Variants in NELL2 observed in about 807,000 individuals in gnomAD.
NELL2 encodes the protein protein kinase C-binding protein NELL2.
In NELL2, 41 loss-of-function variants were observed where a neutral mutation model predicts 109.6. The ratio of observed to expected loss-of-function variants is 0.37; its 90% CI spans 0.29 to 0.49. The LOEUF (loss-of-function observed/expected upper bound fraction) is 0.49. Among genes scored for constraint, NELL2 ranks in the 20% least tolerant of loss-of-function variants. NELL2 has a pLI of 0.98. For synonymous variants in NELL2, 355 were observed against 344.7 expected (o/e 1.03, Z -0.33); for missense variants, 900 against 1,008.3 (o/e 0.89, Z 1.45).
At chr12:44,549,104 T>C (rs1044498560) in intron 15 of NELL2, among the ~76,000 whole-genome samples, 2 of 152,322 alleles carry the variant, frequency 1.3e-5, no homozygotes, top group Non-Finnish European at 2.9e-5. Context: ...TACCCACATA[T>C]TTAATTTCAT....
intron 1 of NELL2, among the ~76,000 whole-genome samples, chr12:44,883,699 G>A (rs917501255): frequency 3.9e-5 from 6 of 151,946 alleles, no homozygotes; most frequent in African/African-American, 1.2e-4. Context: ...TAAAGGGACC[G>A]ATATAATGGT....
chr12:44,812,591 A>C (rs1050235691), intron 3 of NELL2, among the ~76,000 whole-genome samples: 1 of 152,194 alleles, frequency 6.6e-6, no homozygotes, highest in African/African-American at 2.4e-5. Context: ...AAATAATGAA[A>C]TAAGTGTTTA....
At position 44,714,689 on chromosome 12, in the gene NELL2, G is replaced by GACTGTATTT. The variant is rs765174580; in HGVS notation, c.1038_1046dup (p.Asn347_Val349dup). The GACTGTATTT allele has an allele frequency of 6.2e-7, 1 of 1,603,796 alleles. No individual in the cohort carries two copies. The highest frequency in any genetic ancestry group is 1.1e-5 in the South Asian group (1 of 89,182). On this transcript the variant is annotated inframe_insertion, in exon 10 of 20. Transcript: ENST00000429094. ...GAACACATACTCCAGAAGAGGAATA[G>GACTGTATTT]ACTGTATTTCTTTCTCCTTCAAAGT...
At chr12:44,892,816 A>AG (rs1447552948) in intron 1 of NELL2, among the ~76,000 whole-genome samples, 1 of 151,236 alleles carries the variant, frequency 6.6e-6, no homozygotes, top group African/African-American at 2.4e-5. Flanking sequence ...AAAAAAAAAA[A>AG]AAAGAAACCA....
chr12:44,851,177 C>T (rs1944524961), intron 2 of NELL2, among the ~76,000 whole-genome samples: 1 of 151,998 alleles, frequency 6.6e-6, no homozygotes, highest in Admixed American at 6.6e-5. Flanking sequence ...ATAGAAACAC[C>T]TGAATCCATC....
Position 44,909,282 on chromosome 12 carries a change from A to T in NELL2, c.38+4517T>A, listed in dbSNP as rs114228451. Among the ~76,000 whole-genome samples, 732 of 152,066 alleles carry T rather than the reference A, an allele frequency of 4.8e-3. 6 individuals are homozygous for T. The highest frequency in any genetic ancestry group is 0.017 in the African/African-American group (689 of 41,528). On this transcript the variant is annotated intron_variant, in intron 1 of 20. Transcript: ENST00000333837. ...AAAATCAGTAACATTCCTATATACC[A>T]ATAATGTTCAAGCTGAGAGCCAAAT...
At chr12:44,521,877 A>T in intron 18 of NELL2, 123 bp downstream of exon 18, 1 of 885,152 alleles carries the variant, frequency 1.1e-6, no homozygotes, top group Non-Finnish European at 1.7e-6. Context: ...AACCAGGCTC[A>T]CTGTTTATAA....
chr12:44,699,934 TC>T (rs1416374854), intron 12 of NELL2, among the ~76,000 whole-genome samples: 2 of 152,166 alleles, frequency 1.3e-5, no homozygotes, highest in African/African-American at 4.8e-5. Context: ...CCCTTCCGTC[TC>T]CTCAACTAAC....
chr12:44,780,105 A>C (rs1941901587), intron 3 of NELL2, 83 bp from the exon 4 acceptor site: 1 of 1,434,008 alleles, frequency 7.0e-7, no homozygotes, highest in Admixed American at 2.1e-5. Flanking sequence ...GGGATGGAAT[A>C]GATGTACTTT....
At chr12:44,736,110 A>G (rs1164803421) in intron 9 of NELL2, among the ~76,000 whole-genome samples, 2 of 141,598 alleles carry the variant, frequency 1.4e-5, no homozygotes, top group Non-Finnish European at 3.0e-5. Flanking sequence ...TCCCGGGTTC[A>G]CGCCATTCTC....
At chr12:44,514,057 C>A (rs1941137253) in intron 19 of NELL2, among the ~76,000 whole-genome samples, 1 of 150,058 alleles carries the variant, frequency 6.7e-6, no homozygotes, top group South Asian at 2.1e-4. Flanking sequence ...ATACTGCATA[C>A]AAGGGAATAA....
intron 2 of NELL2, among the ~76,000 whole-genome samples, chr12:44,841,644 A>G (rs578223130): frequency 4.6e-5 from 7 of 152,194 alleles, no homozygotes; most frequent in African/African-American, 9.6e-5. Context: ...CAAGAACTCT[A>G]TAAATTTCTC....
At chr12:44,583,994 G>C (rs753575290) in intron 15 of NELL2, among the ~76,000 whole-genome samples, 2 of 152,082 alleles carry the variant, frequency 1.3e-5, no homozygotes, top group African/African-American at 2.4e-5. Context: ...GTCTGGCCTC[G>C]AACTCCTGAG....
intron 3 of NELL2, among the ~76,000 whole-genome samples, chr12:44,796,311 T>G (rs1332708722): frequency 6.6e-6 from 1 of 152,110 alleles, no homozygotes; most frequent in African/African-American, 2.4e-5. Context: ...GGACAGAAAG[T>G]GTTTTAACAA....
chr12:44,792,412 TA>T (rs1268199987), intron 3 of NELL2, among the ~76,000 whole-genome samples: 1 of 151,690 alleles, frequency 6.6e-6, no homozygotes, highest in African/African-American at 2.4e-5. Flanking sequence ...GATAATCTTG[TA>T]AAAAAGGGAA....
intron 2 of NELL2, among the ~76,000 whole-genome samples, chr12:44,829,918 C>A (rs1167255752): frequency 6.6e-6 from 1 of 152,058 alleles, no homozygotes; most frequent in Non-Finnish European, 1.5e-5. Context: ...AATCACAAGG[C>A]TTTCTTTTAT....
chr12:44,698,056 T>A (rs1949115393), intron 12 of NELL2, among the ~76,000 whole-genome samples: 1 of 152,164 alleles, frequency 6.6e-6, no homozygotes, highest in Admixed American at 6.5e-5. Context: ...TAACTTCATG[T>A]TCACATAGTG....
chr12:44,546,060 G>A (rs7138909), intron 15 of NELL2, among the ~76,000 whole-genome samples: 15,685 of 152,086 alleles, frequency 0.1, 2,723 homozygotes, highest in African/African-American at 0.36. Context: ...GCATTTTGAT[G>A]AGCTCACTTA....
intron 3 of NELL2, among the ~76,000 whole-genome samples, chr12:44,813,692 TCAA>T (rs937707305): frequency 7.2e-5 from 11 of 152,186 alleles, no homozygotes; most frequent in African/African-American, 2.7e-4. Flanking sequence ...CGACAGAACT[TCAA>T]CATTAGTCTT....
Sources: gnomAD v4.1 joint callset for allele counts (sites outside exome capture counted in the v4.1 genomes callset) on GRCh38, gnomAD v4.1.1 for gene constraint, MANE v1.5 for transcripts, NCBI Gene and HGNC (gene_info 2026-07-23, HGNC 2026-07-21) for gene names.